SVEP1: variants seen among roughly 807,000 people sequenced by gnomAD.
SVEP1 encodes sushi, von Willebrand factor type A, EGF and pentraxin domain-containing protein 1.
SVEP1 carries 164 observed loss-of-function variants against 367.3 expected under a neutral mutation model. That is an observed-to-expected ratio of 0.45 (90% CI 0.39 to 0.51). SVEP1 has a LOEUF of 0.51. Ranked by LOEUF, SVEP1 falls within the 20% of genes least tolerant of loss-of-function variation. SVEP1 has a pLI of 0.00. For missense variants in SVEP1, 4,117 were observed against 4,425.3 expected (o/e 0.93, Z 1.98); for synonymous variants, 1,666 against 1,611.6 (o/e 1.03, Z -0.81).
intron 3 of SVEP1, among the ~76,000 whole-genome samples, chr9:110,528,152 G>GTATATATATATA (rs1366946066): frequency 3.2e-4 from 7 of 22,076 alleles, no homozygotes; most frequent in African/African-American, 6.6e-4. Context: ...GTGTGTGTGT[G>GTATATATATATA]TGTGTATATA....
chr9:110,457,108 ATTGT>A, intron 21 of SVEP1, 144 bp downstream of exon 21: 1 of 564,050 alleles, frequency 1.8e-6, no homozygotes, highest in Non-Finnish European at 3.0e-6. Context: ...TTTTTCACCT[ATTGT>A]TTATCTTGTT....
At chr9:110,388,069 G>A (rs1729827647) in intron 41 of SVEP1, among the ~76,000 whole-genome samples, 2 of 152,134 alleles carry the variant, frequency 1.3e-5, no homozygotes, top group African/African-American at 4.8e-5. Context: ...GTGAGGCTTA[G>A]AGAAGTTAAA....
chr9:110,484,680 T>C (rs1215063509), intron 9 of SVEP1, among the ~76,000 whole-genome samples: 1 of 152,136 alleles, frequency 6.6e-6, no homozygotes, highest in Non-Finnish European at 1.5e-5. Flanking sequence ...GAGAACACTT[T>C]TGCAATCTAT....
intron 36 of SVEP1, among the ~76,000 whole-genome samples, chr9:110,424,562 C>T (rs1828224494): frequency 6.6e-6 from 1 of 152,086 alleles, no homozygotes; most frequent in African/African-American, 2.4e-5. Context: ...TATTGTGTTT[C>T]TTTTATAAAT....
chr9:110,551,050 T>C (rs1338296285), intron 1 of SVEP1, among the ~76,000 whole-genome samples: 2 of 152,222 alleles, frequency 1.3e-5, no homozygotes, highest in Non-Finnish European at 2.9e-5. Context: ...AAGAAATTCC[T>C]ATTAAAAAAT....
chr9:110,577,976 T>C (rs1486574347), intron 1 of SVEP1, among the ~76,000 whole-genome samples: 1 of 152,214 alleles, frequency 6.6e-6, no homozygotes, highest in Admixed American at 6.5e-5. Context: ...GTGGCAAATT[T>C]ACTGCTGAGA....
chr9:110,525,605 T>G (rs1829930579), intron 3 of SVEP1, among the ~76,000 whole-genome samples: 1 of 152,110 alleles, frequency 6.6e-6, no homozygotes, highest in South Asian at 2.1e-4. Context: ...AAATTAAAAT[T>G]AGCTAAGACA....
chr9:110,553,667 A>C (rs1830319097), intron 1 of SVEP1, among the ~76,000 whole-genome samples: 1 of 152,298 alleles, frequency 6.6e-6, no homozygotes, highest in Middle Eastern at 3.4e-3. Flanking sequence ...GATGGCTTCA[A>C]ACAGAAGCCC....
chr9:110,393,964 C>T (rs530395502), intron 40 of SVEP1, among the ~76,000 whole-genome samples: 1 of 152,314 alleles, frequency 6.6e-6, no homozygotes, highest in South Asian at 2.1e-4. Context: ...ACGGCAGTAA[C>T]TCTGAAGACT....
At chr9:110,546,714 A>C (rs1830225861) in intron 2 of SVEP1, among the ~76,000 whole-genome samples, 1 of 152,190 alleles carries the variant, frequency 6.6e-6, no homozygotes, top group South Asian at 2.1e-4. Flanking sequence ...AAACAAAGCC[A>C]CCATCCTGAT....
At chr9:110,379,622 G>A in intron 43 of SVEP1, 105 bp from the exon 44 acceptor site, 4 of 1,181,876 alleles carry the variant, frequency 3.4e-6, no homozygotes, top group Non-Finnish European at 4.7e-6. Flanking sequence ...AATACATAAG[G>A]GAAACATTTT....
chr9:110,544,871 C>T (rs1830198568), intron 3 of SVEP1, among the ~76,000 whole-genome samples: 1 of 149,760 alleles, frequency 6.7e-6, no homozygotes, highest in Non-Finnish European at 1.5e-5. Flanking sequence ...ACTTATTCCT[C>T]CTATCTAGTA....
At chr9:110,367,977 A>T (rs909052582) in intron 47 of SVEP1, among the ~76,000 whole-genome samples, 5 of 152,186 alleles carry the variant, frequency 3.3e-5, no homozygotes, top group Non-Finnish European at 5.9e-5. Context: ...GCTACTCAGG[A>T]GGCTGAGACA....
intron 36 of SVEP1, among the ~76,000 whole-genome samples, chr9:110,423,168 T>TAAAAAAAAAAAAAAAAAAAAAAAAAAAA: frequency 1.1e-4 from 11 of 103,628 alleles, no homozygotes; most frequent in East Asian, 2.5e-4. Flanking sequence ...AAAAATAAAG[T>TAAAAAAAAAAAAAAAAAAAAAAAAAAAA]AAAAAAAAAA....
At chr9:110,493,253 GCACATGGACTA>G (rs1363389662) in intron 8 of SVEP1, among the ~76,000 whole-genome samples, 5 of 152,168 alleles carry the variant, frequency 3.3e-5, no homozygotes, top group African/African-American at 1.2e-4. Context: ...TGCAGAATGT[GCACATGGACTA>G]CACAAGAGAG....
chr9:110,406,636 CCTT>C lies in SVEP1; in HGVS notation c.8961_8963del (p.Arg2988del). 6.2e-7 allele frequency: 1 copy of C among 1,613,948 alleles called. No individual in the cohort carries two copies. The highest frequency in any genetic ancestry group is 8.5e-7 in the Non-Finnish European group (1 of 1,179,888). On this transcript the variant is annotated inframe_deletion, in exon 38 of 48. Coordinates refer to ENST00000374469, the MANE Select transcript of SVEP1 (RefSeq NM_153366.4). ...CACTCCAGGAGCCATTGGAGAGGCA[CCTT>C]CTTGATGAATTTCCATGGAGCTTAT...
chr9:110,478,925 TTC>T (rs201288466), intron 13 of SVEP1, among the ~76,000 whole-genome samples: 206 of 148,172 alleles, frequency 1.4e-3, no homozygotes, highest in Non-Finnish European at 2.5e-3. Context: ...TTCTTTCTTC[TTC>T]TTTTTTTTTT....
In SVEP1 at chr9:110,579,319, C is replaced by T; in HGVS notation, c.225G>A (p.Leu75=). 1 of 1,561,656 alleles carries T rather than the reference C, an allele frequency of 6.4e-7. No homozygotes were observed. The highest frequency in any genetic ancestry group is 8.7e-7 in the Non-Finnish European group (1 of 1,154,834). ...GQAFRRRVRL[L]RELSERLELV... ...GCTCCAGGCGCTCGCTGAGCTCCCG[C>T]AGCAGCCGCACGCGTCGCCGGAACG... The change falls in exon 1 of 48, where the codon CTG becomes CTA. Residue 75 remains leucine, a synonymous_variant. Coordinates refer to ENST00000374469, the MANE Select transcript of SVEP1 (RefSeq NM_153366.4). This position sits in a 1 kb window ranked among gnomAD's most constrained non-coding sequence, Gnocchi z 5.3.
rs758929245 is a variant in SVEP1, at chr9:110,377,348, C to A, written c.10427G>T (p.Cys3476Phe). 6.2e-7 allele frequency: 1 copy of A among 1,613,702 alleles called. No homozygotes were observed. Among genetic ancestry groups the A allele is most frequent in the South Asian group, 1.1e-5 (1 of 91,060 alleles). ...PICRAVCRFP[C>F]QNGGICQRPN... ...GCGTTGGCAGATGCCCCCATTCTGA[C>A]ATGGAAATCGACAGACAGCTGGAAA... The change falls in exon 45 of 48, where the codon TGT becomes TTT. Residue 3476 changes from cysteine to phenylalanine, a missense_variant. Physicochemically the swap from Cys to Phe is radical, Grantham distance 205. Transcript: ENST00000374469.
Sources: allele counts gnomAD v4.1 joint callset (sites outside exome capture counted in the v4.1 genomes callset), GRCh38; gene constraint gnomAD v4.1.1; non-coding constraint Gnocchi (gnomAD v3.1); transcripts MANE v1.5; gene names NCBI Gene and HGNC (gene_info 2026-07-23, HGNC 2026-07-21).